Variants in DOCK1 observed in about 807,000 individuals in gnomAD.
The protein encoded by DOCK1 is dedicator of cytokinesis 1.
DOCK1 carries 138 observed loss-of-function variants against 262.7 expected under a neutral mutation model. That is an observed-to-expected ratio of 0.53 (90% CI 0.46 to 0.61). The LOEUF is 0.61. Among genes scored for constraint, DOCK1 ranks in the 20% least tolerant of loss-of-function variants. The probability of loss-of-function intolerance (pLI) is 0.00; values close to 1 mark genes in which losing one functional copy is unlikely to be tolerated. For missense variants in DOCK1, 1,908 were observed against 2,370.7 expected (o/e 0.80, Z 4.05); for synonymous variants, 866 against 867.4 (o/e 1.00, Z 0.03).
intron 27 of DOCK1, among the ~76,000 whole-genome samples, chr10:127,149,291 C>A (rs555743859): frequency 2.0e-4 from 31 of 152,332 alleles, no homozygotes; most frequent in African/African-American, 7.5e-4. Context: ...CAGCCCTAAC[C>A]TTGCAGGTAC....
At chr10:127,140,928 C>T (rs1186473880) in intron 27 of DOCK1, among the ~76,000 whole-genome samples, 1 of 152,176 alleles carries the variant, frequency 6.6e-6, no homozygotes, top group South Asian at 2.1e-4. Context: ...CAGATAGTGC[C>T]TGGGGGCCTG....
At chr10:127,283,132 G>C (rs75750665) in intron 29 of DOCK1, among the ~76,000 whole-genome samples, 1 of 152,236 alleles carries the variant, frequency 6.6e-6, no homozygotes, top group East Asian at 1.9e-4. Context: ...CTGGAAGGAG[G>C]CCTTGAAGGC....
At chr10:127,102,744 G>A (rs558133531) in intron 23 of DOCK1, among the ~76,000 whole-genome samples, 1 of 152,310 alleles carries the variant, frequency 6.6e-6, no homozygotes, top group African/African-American at 2.4e-5. Context: ...GGAGACTGAG[G>A]CAGAAGAATC....
chr10:126,916,103 C>T (rs2032461178), intron 1 of DOCK1, among the ~76,000 whole-genome samples: 1 of 152,082 alleles, frequency 6.6e-6, no homozygotes, highest in Admixed American at 6.5e-5. Context: ...GTCTGGTATT[C>T]CTGGGTACAG....
At position 126,998,323 on chromosome 10, in the gene DOCK1, C is replaced by T. The variant is rs892683994; in HGVS notation, c.767+74C>T. ...GAACTTGGGATCAGAACCACTGAAG[C>T]GTCCCATTCATGCTGAGAGGCCTTG... On this transcript the variant is annotated intron_variant, in intron 8 of 51. Transcript: ENST00000623213. The T allele has an allele frequency of 2.4e-5, 38 of 1,581,980 alleles. No individual in the cohort carries two copies. In the Admixed American group the frequency reaches 5.0e-4, roughly 21 times the overall value.
intron 27 of DOCK1, chr10:127,196,187 C>G (rs2057127812): frequency 6.6e-6 from 1 of 150,504 alleles, no homozygotes; most frequent in African/African-American, 2.4e-5. Context: ...TGCCCGCCCC[C>G]TCCACCGCTG....
intron 21 of DOCK1, among the ~76,000 whole-genome samples, chr10:127,048,422 T>G (rs2044488739): frequency 6.6e-6 from 1 of 152,292 alleles, no homozygotes; most frequent in East Asian, 1.9e-4. Context: ...TATTTTTTTT[T>G]GTCAGACATG....
intron 23 of DOCK1, among the ~76,000 whole-genome samples, chr10:127,078,510 G>C (rs59644281): frequency 0.083 from 12,651 of 152,084 alleles, 1,488 homozygotes; most frequent in African/African-American, 0.26. Context: ...CTGAAGAGGC[G>C]AGAGTGTCAT....
chr10:127,045,236 A>G (rs891476153), intron 21 of DOCK1, among the ~76,000 whole-genome samples: 1 of 149,006 alleles, frequency 6.7e-6, no homozygotes, highest in Admixed American at 6.7e-5. Context: ...GGATCCTGTC[A>G]TTCAATCTAT....
chr10:126,907,823 T>A (rs2031140741), intron 1 of DOCK1, among the ~76,000 whole-genome samples: 1 of 152,122 alleles, frequency 6.6e-6, no homozygotes, highest in African/African-American at 2.4e-5. Flanking sequence ...ACTTCTAACA[T>A]CACACCTCTT....
At chr10:127,113,842 A>C (rs2049013816) in intron 25 of DOCK1, among the ~76,000 whole-genome samples, 1 of 152,108 alleles carries the variant, frequency 6.6e-6, no homozygotes, top group Non-Finnish European at 1.5e-5. Flanking sequence ...CCAGGCCCTC[A>C]AGGATTAGAT....
intron 1 of DOCK1, among the ~76,000 whole-genome samples, chr10:126,956,869 A>AT (rs1488065030): frequency 6.6e-6 from 1 of 151,190 alleles, no homozygotes; most frequent in Non-Finnish European, 1.5e-5. Context: ...AGTTCCAGAG[A>AT]TTTTGCCTGA....
intron 1 of DOCK1, among the ~76,000 whole-genome samples, chr10:126,948,587 C>G (rs1005676370): frequency 6.6e-6 from 1 of 151,892 alleles, no homozygotes. Context: ...TGAAACAGGG[C>G]CCTCAAAATG....
intron 23 of DOCK1, among the ~76,000 whole-genome samples, chr10:127,078,802 A>T (rs2046726379): frequency 6.6e-6 from 1 of 152,200 alleles, no homozygotes; most frequent in Non-Finnish European, 1.5e-5. Context: ...GGAGTTGGAG[A>T]CCATTATTCT....
chr10:127,281,221 C>T (rs1021373888), intron 29 of DOCK1, among the ~76,000 whole-genome samples: 16 of 152,118 alleles, frequency 1.1e-4, no homozygotes, highest in Admixed American at 7.2e-4. Flanking sequence ...TCGGGCTTTC[C>T]TAAAATGCAT....
At chr10:126,920,521 C>T (rs1279364776) in intron 1 of DOCK1, among the ~76,000 whole-genome samples, 3 of 152,124 alleles carry the variant, frequency 2.0e-5, no homozygotes, top group Non-Finnish European at 4.4e-5. Flanking sequence ...TTTTCTGCTC[C>T]CAAATGCAGT....
intron 1 of DOCK1, among the ~76,000 whole-genome samples, chr10:126,919,678 C>A (rs2032972881): frequency 6.6e-6 from 1 of 152,242 alleles, no homozygotes; most frequent in Admixed American, 6.5e-5. Flanking sequence ...TATCCCAACC[C>A]AGGCTGGATG....
chr10:127,328,328 T>C (rs1022039108), intron 29 of DOCK1, among the ~76,000 whole-genome samples: 11 of 152,234 alleles, frequency 7.2e-5, no homozygotes, highest in African/African-American at 2.7e-4. Flanking sequence ...TATTTTCTCT[T>C]AAGCATTTCT....
chr10:127,306,502 A>G (rs1010962682), intron 29 of DOCK1, among the ~76,000 whole-genome samples: 1 of 152,090 alleles, frequency 6.6e-6, no homozygotes, highest in African/African-American at 2.4e-5. Flanking sequence ...TGTGGCGTCC[A>G]TCTGCAGACG....
Sources: gnomAD v4.1 joint callset for allele counts (sites outside exome capture counted in the v4.1 genomes callset) on GRCh38, gnomAD v4.1.1 for gene constraint, MANE v1.5 for transcripts, NCBI Gene and HGNC (gene_info 2026-07-23, HGNC 2026-07-21) for gene names.